CADPS: variants seen among roughly 807,000 people sequenced by gnomAD.
The protein encoded by CADPS is calcium-dependent secretion activator 1.
CADPS carries 57 observed loss-of-function variants against 167.3 expected under a neutral mutation model. The observed-to-expected ratio is 0.34, with a 90% CI of 0.28 to 0.42. CADPS has a LOEUF of 0.42. CADPS is among the 20% of genes least tolerant of loss of function. The pLI, the probability that CADPS is intolerant of heterozygous loss-of-function variation, is 1.00. For missense variants in CADPS, 1,414 were observed against 1,738.1 expected, an observed-to-expected ratio of 0.81 and a Z score of 3.32; for synonymous variants, 676 against 635.3, an observed-to-expected ratio of 1.06 and a Z score of -0.96.
chr3:62,868,120 A>G (rs1577627913), intron 1 of CADPS, among the ~76,000 whole-genome samples: 2 of 152,114 alleles, frequency 1.3e-5, no homozygotes, highest in African/African-American at 2.4e-5. Context: ...TGACAAATGA[A>G]AAAGTAATAA....
intron 11 of CADPS, among the ~76,000 whole-genome samples, chr3:62,539,071 ACTTCCTTTTCCCTT>A (rs761814998): frequency 2.5e-4 from 38 of 152,170 alleles, no homozygotes; most frequent in Non-Finnish European, 3.5e-4. Flanking sequence ...TCAAAATAAA[ACTTCCTTTTCCCTT>A]CTTCCTTTCT....
At chr3:62,548,547 T>C (rs2076859349) in intron 11 of CADPS, among the ~76,000 whole-genome samples, 1 of 152,218 alleles carries the variant, frequency 6.6e-6, no homozygotes, top group Admixed American at 6.5e-5. Flanking sequence ...AACAAGGGTG[T>C]TGCAAGGTGT....
chr3:62,563,590 C>CA (rs2079560161), intron 9 of CADPS, among the ~76,000 whole-genome samples: 1 of 152,188 alleles, frequency 6.6e-6, no homozygotes, highest in African/African-American at 2.4e-5. Flanking sequence ...TATTCAGTTA[C>CA]ATGAGTAAGT....
chr3:62,421,775 G>A lies in CADPS; in HGVS notation c.3777+16329C>T, dbSNP rs565491673. Among the ~76,000 whole-genome samples, 8 of 152,276 alleles carry A rather than the reference G, an allele frequency of 5.3e-5. 1 individual carries two copies. In the East Asian group the frequency reaches 1.4e-3, roughly 26 times the overall value. ...GAGACGCATTTGGAGTTCTTTCCTA[G>A]GGATGGAGGGATGCCCCGGGTCTGG... On this transcript the variant is annotated intron_variant, in intron 28 of 29. Coordinates refer to ENST00000383710, the MANE Select transcript of CADPS (RefSeq NM_003716.4). The surrounding 1 kb of genome is among the most constrained non-coding windows in gnomAD (Gnocchi z 4.7).
intron 21 of CADPS, among the ~76,000 whole-genome samples, chr3:62,491,022 A>AGTGTTGGAT (rs1259201655): frequency 2.6e-5 from 4 of 152,178 alleles, no homozygotes; most frequent in African/African-American, 9.7e-5. Flanking sequence ...TAGAGATAAC[A>AGTGTTGGAT]CCATTGGAGT....
chr3:62,629,678 G>T (rs552737080), intron 6 of CADPS, among the ~76,000 whole-genome samples: 1 of 152,058 alleles, frequency 6.6e-6, no homozygotes, highest in African/African-American at 2.4e-5. Flanking sequence ...AAGACCTTTC[G>T]TGTCCTACAA....
At chr3:62,735,025 T>C (rs2078708918) in intron 3 of CADPS, among the ~76,000 whole-genome samples, 1 of 152,220 alleles carries the variant, frequency 6.6e-6, no homozygotes, top group Non-Finnish European at 1.5e-5. Context: ...GTCCCAGTAA[T>C]TATACTTCTA....
chr3:62,834,838 C>G (rs925681617), intron 1 of CADPS, among the ~76,000 whole-genome samples: 2 of 152,188 alleles, frequency 1.3e-5, no homozygotes, highest in African/African-American at 2.4e-5. Context: ...AAAGGACTTA[C>G]TTGGCTTTTG....
chr3:62,513,851 A>C (rs2068402474), intron 16 of CADPS: 6 of 591,770 alleles, frequency 1.0e-5, no homozygotes, highest in Non-Finnish European at 1.5e-5. Context: ...AAGAAAAAGG[A>C]GCTTCAAAAT....
chr3:62,778,430 C>G (rs1349042651), intron 1 of CADPS, among the ~76,000 whole-genome samples: 1 of 152,192 alleles, frequency 6.6e-6, no homozygotes, highest in Non-Finnish European at 1.5e-5. Context: ...TTTCCCTTCA[C>G]TTTCTTCACT....
Position 62,550,098 on chromosome 3 carries a change from C to T in CADPS, c.1771G>A (p.Ala591Thr). The T allele has an allele frequency of 1.9e-6, 3 of 1,613,910 alleles. No individual in the cohort carries two copies. Among genetic ancestry groups the T allele is most frequent in the South Asian group, 1.1e-5 (1 of 91,082 alleles). ...DPQPGLEGGR[A>T]FFNAVKEGDT... ...CCCTCCTTGACAGCATTGAAGAAGGCTCGGCCACCCTCCAAACCTGGAAGA... is the reference window on the plus strand; with the variant it reads ...CCCTCCTTGACAGCATTGAAGAAGGTTCGGCCACCCTCCAAACCTGGAAGA... The change falls in exon 11 of 30, where the codon GCC (alanine) becomes ACC (threonine). Residue 591 changes from alanine (A) to threonine (T), a missense_variant. Ala to Thr is a moderately conservative substitution (Grantham distance 58). This residue lies in a region of CADPS where 157 missense variants were observed against 229.4 expected (regional missense o/e 0.68). Transcript: ENST00000383710.
chr3:62,666,043 G>A (rs1039884628), intron 3 of CADPS, among the ~76,000 whole-genome samples: 7 of 152,170 alleles, frequency 4.6e-5, no homozygotes, highest in African/African-American at 1.7e-4. Context: ...GCACCAGATG[G>A]GACAGTGTCC....
chr3:62,795,517 C>G (rs1260787638), intron 1 of CADPS, among the ~76,000 whole-genome samples: 1 of 152,108 alleles, frequency 6.6e-6, no homozygotes, highest in African/African-American at 2.4e-5. Flanking sequence ...TTCTTCAGAC[C>G]GTTCTTGTTT....
chr3:62,550,595 C>T (rs897378489), intron 10 of CADPS, among the ~76,000 whole-genome samples: 9 of 152,088 alleles, frequency 5.9e-5, no homozygotes, highest in South Asian at 4.2e-4. Flanking sequence ...TCAGTACGTC[C>T]GGAACAGAGC....
intron 18 of CADPS, 104 bp downstream of exon 18, chr3:62,499,058 G>T: frequency 1.6e-6 from 1 of 628,244 alleles, no homozygotes; most frequent in Non-Finnish European, 2.8e-6. Context: ...CCAGTTAAAA[G>T]AAAATGGGTG....
chr3:62,430,733 G>C (rs12186004), intron 28 of CADPS, among the ~76,000 whole-genome samples: 43,278 of 151,532 alleles, frequency 0.29, 6,710 homozygotes, highest in Middle Eastern at 0.47. Context: ...TACCCGTTAC[G>C]TAACAATATT....
At chr3:62,662,258 C>T (rs1276095282) in intron 4 of CADPS, 56 bp downstream of exon 4, 9 of 1,401,138 alleles carry the variant, frequency 6.4e-6, no homozygotes, top group Non-Finnish European at 9.1e-6. Flanking sequence ...AATCAATGTG[C>T]TTCCTGAGTG....
chr3:62,630,057 CT>C lies in CADPS; in HGVS notation c.1325+15664del, dbSNP rs931493969. The stretch of plus-strand genomic sequence containing the variant: ...TTAAATTATTTCATTTGTTTACATA[CT>C]TTTTTTTGGTCTCCACCCACTAGAA... On this transcript the variant is annotated intron_variant, in intron 6 of 29. Coordinates refer to ENST00000383710, the MANE Select transcript of CADPS (RefSeq NM_003716.4). Among the ~76,000 whole-genome samples the C allele has an allele frequency of 2.0e-3, 300 of 151,964 alleles. 1 individual carries two copies. The highest frequency in any genetic ancestry group is 3.0e-3 in the Non-Finnish European group (201 of 67,952).
Position 62,765,959 on chromosome 3 carries a change from A to T in CADPS, c.467T>A (p.Val156Asp), listed in dbSNP as rs1189252775. 1 of 1,613,242 alleles carries T rather than the reference A, an allele frequency of 6.2e-7. No homozygotes were observed. The highest frequency in any genetic ancestry group is 1.1e-5 in the South Asian group (1 of 91,046). ...GAGGAAAGCCTGAAACCGGTCCTTG[A>T]CTGTCTGCAGCTGCTGTTTGCTGAT... The part of the protein sequence containing the change: ...QKISKQQLQT[V>D]KDRFQAFLNG... The change falls in exon 2 of 30, where the codon GTC becomes GAC. Residue 156 changes from valine (V) to aspartate (D), a missense_variant. Coordinates refer to ENST00000383710, the MANE Select transcript of CADPS (RefSeq NM_003716.4).
Sources: gnomAD v4.1 joint callset for allele counts (sites outside exome capture counted in the v4.1 genomes callset) on GRCh38, gnomAD v4.1.1 for gene constraint, gnomAD v4.1.1 regional missense constraint, Gnocchi (gnomAD v3.1) non-coding constraint, MANE v1.5 for transcripts, NCBI Gene and HGNC (gene_info 2026-07-23, HGNC 2026-07-21) for gene names.